ANK3: variants seen among roughly 807,000 people sequenced by gnomAD.
ANK3 encodes the protein ankyrin-3.
Under a neutral mutation model 370.9 loss-of-function variants are expected in ANK3, and 57 were observed. The observed-to-expected ratio is 0.15, with a 90% confidence interval of 0.12 to 0.19. ANK3 has a LOEUF of 0.19. ANK3 is among the 10% of genes least tolerant of loss of function. The pLI, the probability that ANK3 is intolerant of heterozygous loss-of-function variation, is 1.00. For missense variants in ANK3, 4,439 were observed against 5,302.1 expected, an observed-to-expected ratio of 0.84 and a Z score of 5.06; for synonymous variants, 1,929 against 1,946.3, an observed-to-expected ratio of 0.99 and a Z score of 0.23.
intron 1 of ANK3, among the ~76,000 whole-genome samples, chr10:60,643,500 A>ATATCTACC (rs370999914): frequency 0.098 from 14,402 of 146,774 alleles, 831 homozygotes; most frequent in South Asian, 0.18. Flanking sequence ...ACTCCCCTTT[A>ATATCTACC]TATCTATCTA....
At chr10:60,367,750 C>A (rs1323562048) in intron 1 of ANK3, among the ~76,000 whole-genome samples, 2 of 152,238 alleles carry the variant, frequency 1.3e-5, no homozygotes, top group African/African-American at 2.4e-5. Flanking sequence ...TCTGACCCAA[C>A]TCCTGTGTCC....
At chr10:60,143,481 T>C (rs1411529656) in intron 23 of ANK3, among the ~76,000 whole-genome samples, 1 of 152,224 alleles carries the variant, frequency 6.6e-6, no homozygotes, top group Non-Finnish European at 1.5e-5. Flanking sequence ...ATGCATTTTA[T>C]ATCAGATATA....
At chr10:60,485,995 C>T (rs1253779685) in intron 2 of ANK3, among the ~76,000 whole-genome samples, 1 of 152,034 alleles carries the variant, frequency 6.6e-6, no homozygotes, top group Non-Finnish European at 1.5e-5. Flanking sequence ...ACCAGTGGAA[C>T]AGGAAAGGGG....
At chr10:60,666,768 G>A (rs575547157) in intron 1 of ANK3, among the ~76,000 whole-genome samples, 4 of 152,122 alleles carry the variant, frequency 2.6e-5, no homozygotes, top group African/African-American at 9.6e-5. Flanking sequence ...GTGATTTCTG[G>A]AGAAGGAAGG....
At chr10:60,317,460 C>T (rs114224588) in intron 1 of ANK3, among the ~76,000 whole-genome samples, 114 of 152,208 alleles carry the variant, frequency 7.5e-4, no homozygotes, top group African/African-American at 2.7e-3. Flanking sequence ...CTTGTGTCCC[C>T]CATCCTCCTT....
chr10:60,147,221 G>A (rs543772257), intron 23 of ANK3, among the ~76,000 whole-genome samples: 2 of 152,268 alleles, frequency 1.3e-5, no homozygotes, highest in East Asian at 3.9e-4. Context: ...CGCAAGCCTT[G>A]CACTGGTGAT....
At chr10:60,290,976 AC>A (rs2041239885) in intron 1 of ANK3, among the ~76,000 whole-genome samples, 1 of 152,218 alleles carries the variant, frequency 6.6e-6, no homozygotes, top group African/African-American at 2.4e-5. Context: ...GATCTGGTTT[AC>A]ATCAAAAGGA....
At chr10:60,294,469 T>A (rs1207079046) in intron 1 of ANK3, among the ~76,000 whole-genome samples, 3 of 152,166 alleles carry the variant, frequency 2.0e-5, no homozygotes, top group Non-Finnish European at 2.9e-5. Context: ...CTAGAATTGT[T>A]GGTAAATGAA....
chr10:60,086,538 A>C (rs2086721129), intron 30 of ANK3, 139 bp downstream of exon 30: 1 of 695,522 alleles, frequency 1.4e-6, no homozygotes, highest in South Asian at 2.7e-5. Context: ...GTGATGGACA[A>C]GTAAAATGTT....
chr10:60,178,882 T>C (rs1371787236), intron 18 of ANK3, among the ~76,000 whole-genome samples: 2 of 151,362 alleles, frequency 1.3e-5, no homozygotes, highest in African/African-American at 4.9e-5. Flanking sequence ...TGGCACAATT[T>C]AGCTTAAACT....
intron 1 of ANK3, among the ~76,000 whole-genome samples, chr10:60,646,858 T>G (rs2078716315): frequency 6.6e-6 from 1 of 152,186 alleles, no homozygotes; most frequent in African/African-American, 2.4e-5. Context: ...AATGTGTCCC[T>G]GGGATTTAGC....
intron 1 of ANK3, among the ~76,000 whole-genome samples, chr10:60,327,179 G>C (rs2050111910): frequency 6.6e-6 from 1 of 152,166 alleles, no homozygotes; most frequent in Non-Finnish European, 1.5e-5. Flanking sequence ...GGAGGGCGAG[G>C]TGACAGTTAT....
intron 2 of ANK3, among the ~76,000 whole-genome samples, chr10:60,474,123 A>T (rs2074993517): frequency 6.6e-6 from 1 of 152,070 alleles, no homozygotes; most frequent in Admixed American, 6.6e-5. Flanking sequence ...ACAGAATGAG[A>T]CCCTATCTCT....
intron 24 of ANK3, among the ~76,000 whole-genome samples, chr10:60,135,782 A>G (rs1191450260): frequency 8.5e-5 from 13 of 152,152 alleles, no homozygotes; most frequent in Non-Finnish European, 1.5e-5. Context: ...GAAAATCAGA[A>G]AGTGGGTATC....
intron 2 of ANK3, among the ~76,000 whole-genome samples, chr10:60,420,054 C>T (rs10994336): frequency 0.08 from 12,114 of 152,064 alleles, 910 homozygotes; most frequent in East Asian, 0.22. Context: ...CACTTTGACG[C>T]CATTAAGCAA....
chr10:60,392,903 T>G (rs2063142444), upstream of ANK3, among the ~76,000 whole-genome samples: 1 of 151,980 alleles, frequency 6.6e-6, no homozygotes, highest in African/African-American at 2.4e-5. Context: ...CACTCCAGTC[T>G]GGGTGACAGA....
chr10:60,310,007 C>A (rs184949273), intron 1 of ANK3, among the ~76,000 whole-genome samples: 1 of 149,462 alleles, frequency 6.7e-6, no homozygotes, highest in East Asian at 2.0e-4. Flanking sequence ...CTCACTGTAA[C>A]CTCAAACTCT....
chr10:60,240,211 T>TACAC (rs1174814481), intron 7 of ANK3, among the ~76,000 whole-genome samples: 3 of 141,380 alleles, frequency 2.1e-5, no homozygotes, highest in African/African-American at 5.4e-5. Flanking sequence ...CACATATATA[T>TACAC]ACACATATAT....
chr10:60,454,334 A>G (rs1477080443), intron 2 of ANK3, among the ~76,000 whole-genome samples: 3 of 152,226 alleles, frequency 2.0e-5, no homozygotes, highest in African/African-American at 7.2e-5. Flanking sequence ...CAGTAGAAGT[A>G]AAGCACAATC....
Sources: allele counts gnomAD v4.1 joint callset (sites outside exome capture counted in the v4.1 genomes callset), GRCh38; gene constraint gnomAD v4.1.1; transcripts MANE v1.5; gene names NCBI Gene and HGNC (gene_info 2026-07-23, HGNC 2026-07-21).